NUBPL: variants seen among roughly 807,000 people sequenced by gnomAD.
NUBPL encodes NUBP iron-sulfur cluster assembly factor, mitochondrial, also known as iron-sulfur cluster transfer protein NUBPL.
In NUBPL, 31 loss-of-function variants were observed where a neutral mutation model predicts 45.7. That is an observed-to-expected ratio of 0.68 (90% CI 0.51 to 0.92). The LOEUF (loss-of-function observed/expected upper bound fraction) is 0.92, where lower values mean the gene tolerates loss of function less well. NUBPL is among the 40% of genes least tolerant of loss of function. The pLI is 0.00. For missense variants in NUBPL, 401 were observed against 398.7 expected (o/e 1.01, Z -0.05); for synonymous variants, 144 against 140.9 (o/e 1.02, Z -0.15).
At position 31,750,340 on chromosome 14, in the gene NUBPL, TA is replaced by T. The variant is rs1404482642; in HGVS notation, c.514-37438del. 7.3e-5 allele frequency among the ~76,000 whole-genome samples: 5 copies of T among 68,794 alleles called. No homozygotes were observed. The South Asian group carries it at 2.4e-3, about 33-fold the overall frequency. The allele number at this position is 68,794 out of a possible 152,430, so 45.1% of individuals were successfully genotyped here. On this transcript the variant is annotated intron_variant, in intron 6 of 10. Coordinates refer to ENST00000281081, the MANE Select transcript of NUBPL (RefSeq NM_025152.3). Reference sequence around the variant, plus strand: ...ACAGGCGCCCACCACCACGCCCGGCTAATTTTTTTTTTTTTTTTAATTTTTA... The same window carrying T: ...ACAGGCGCCCACCACCACGCCCGGCTATTTTTTTTTTTTTTTTAATTTTTA...
chr14:31,704,868 C>T (rs1595520361), intron 6 of NUBPL, among the ~76,000 whole-genome samples: 1 of 152,134 alleles, frequency 6.6e-6, no homozygotes, highest in East Asian at 1.9e-4. Flanking sequence ...AAGAATGAAG[C>T]CGCGGACCCT....
intron 7 of NUBPL, among the ~76,000 whole-genome samples, chr14:31,793,640 G>C (rs1171641890): frequency 6.6e-6 from 1 of 152,036 alleles, no homozygotes; most frequent in African/African-American, 2.4e-5. Context: ...TGTTTTATCT[G>C]TGACTGTATT....
intron 7 of NUBPL, among the ~76,000 whole-genome samples, chr14:31,808,864 A>G (rs1181535116): frequency 6.6e-6 from 1 of 152,272 alleles, no homozygotes; most frequent in Non-Finnish European, 1.5e-5. Context: ...TTCTGCATCT[A>G]TTGAGATAAT....
At chr14:31,660,866 G>A (rs933374341) in intron 4 of NUBPL, among the ~76,000 whole-genome samples, 3 of 152,028 alleles carry the variant, frequency 2.0e-5, no homozygotes, top group African/African-American at 7.2e-5. Context: ...GTTGATTCAC[G>A]AACAATGGAA....
chr14:31,731,737 A>G (rs1306757181), intron 6 of NUBPL, among the ~76,000 whole-genome samples: 5 of 152,166 alleles, frequency 3.3e-5, no homozygotes, highest in African/African-American at 4.8e-5. Context: ...AGAACTATCC[A>G]TTTTTATGAC....
intron 6 of NUBPL, among the ~76,000 whole-genome samples, chr14:31,687,424 C>T (rs2139849681): frequency 6.6e-6 from 1 of 152,230 alleles, no homozygotes; most frequent in African/African-American, 2.4e-5. Context: ...TTTATCAAAA[C>T]TTATGCATAC....
chr14:31,594,060 A>C (rs374256054), intron 3 of NUBPL, among the ~76,000 whole-genome samples: 28 of 152,278 alleles, frequency 1.8e-4, no homozygotes, highest in East Asian at 5.8e-4. Context: ...TTTATCACTA[A>C]AAATTAGAAG....
In NUBPL at chr14:31,725,090, A is replaced by C. The variant is rs140521835; in HGVS notation, c.513+51516A>C. On this transcript the variant is annotated intron_variant, in intron 6 of 10. Transcript: ENST00000281081. ...ATAAAAGCAATTGGAAGTTTAGGGTAGTAAAAGGGACATGATTTGGTTGTT... is the reference window on the plus strand; with the variant it reads ...ATAAAAGCAATTGGAAGTTTAGGGTCGTAAAAGGGACATGATTTGGTTGTT... 2.3e-3 allele frequency among the ~76,000 whole-genome samples: 350 copies of C among 152,230 alleles called. 1 individual carries two copies. Among genetic ancestry groups the C allele is most frequent in the African/African-American group, 8.0e-3 (334 of 41,534 alleles).
In NUBPL at chr14:31,562,199, A is replaced by G; in HGVS notation, c.240A>G (p.Gly80=). ...TGGCTTCTGGAAAGGGTGGAGTCGG[A>G]AAATCTACTACAGCAGGTATTATAG... The part of the protein sequence containing the change: ...IVVASGKGGV[G]KSTTAVNLAL... The change falls in exon 2 of 11, where the codon GGA becomes GGG. Residue 80 remains glycine (G), a synonymous_variant. Transcript: ENST00000281081. 6.2e-7 allele frequency: 1 copy of G among 1,613,962 alleles called. No homozygotes were observed. The highest frequency in any genetic ancestry group is 1.3e-5 in the African/African-American group (1 of 75,060).
chr14:31,642,338 C>G (rs1007705458), intron 4 of NUBPL, among the ~76,000 whole-genome samples: 5 of 152,058 alleles, frequency 3.3e-5, no homozygotes, highest in African/African-American at 1.2e-4. Flanking sequence ...AATATTTAAT[C>G]CGTTTTAATT....
chr14:31,562,189 G>A lies in NUBPL; in HGVS notation c.230G>A (p.Gly77Asp). 1 of 1,614,096 alleles carries A rather than the reference G, an allele frequency of 6.2e-7. No individual in the cohort carries two copies. The highest frequency in any genetic ancestry group is 8.5e-7 in the Non-Finnish European group (1 of 1,179,968). Residue 77 changes from glycine (G) to aspartate (D), a missense_variant, in exon 2 of 11, where the codon GGT (glycine) becomes GAT (aspartate). Coordinates refer to ENST00000281081, the MANE Select transcript of NUBPL (RefSeq NM_025152.3). The part of the protein sequence containing the change: ...KQVIVVASGK[G>D]GVGKSTTAVN... ...GTTATAGTTGTGGCTTCTGGAAAGG[G>A]TGGAGTCGGAAAATCTACTACAGCA... is the stretch of plus-strand genomic sequence containing the variant.
At chr14:31,722,557 A>G (rs2037834122) in intron 6 of NUBPL, among the ~76,000 whole-genome samples, 1 of 152,198 alleles carries the variant, frequency 6.6e-6, no homozygotes, top group African/African-American at 2.4e-5. Flanking sequence ...CACTCCCATC[A>G]ACAATGTGTA....
At chr14:31,801,515 T>C (rs1384954049) in intron 7 of NUBPL, among the ~76,000 whole-genome samples, 2 of 152,164 alleles carry the variant, frequency 1.3e-5, no homozygotes, top group Non-Finnish European at 2.9e-5. Flanking sequence ...AGTAGTACAG[T>C]CAAATTAGTG....
chr14:31,846,957 AAAAAAAC>A (rs1166700201), intron 9 of NUBPL, among the ~76,000 whole-genome samples: 6 of 150,150 alleles, frequency 4.0e-5, no homozygotes, highest in East Asian at 3.9e-4. Context: ...CTCCATCAAA[AAAAAAAC>A]AAAAAACAAA....
intron 6 of NUBPL, among the ~76,000 whole-genome samples, chr14:31,716,834 A>G (rs533625904): frequency 3.3e-5 from 5 of 152,244 alleles, no homozygotes; most frequent in African/African-American, 4.8e-5. Context: ...CCAACCACCT[A>G]GCTGCTCAGG....
rs572249635 is a variant in NUBPL at position 31,671,351 on chromosome 14, T to C, written c.383-2004T>C. On this transcript the variant is annotated intron_variant, in intron 4 of 10. Coordinates refer to ENST00000281081, the MANE Select transcript of NUBPL (RefSeq NM_025152.3). ...TGCAGTAAACATAGGAGTGCAGATA[T>C]CTCTTTGACATACTGATATCACATT... is the stretch of plus-strand genomic sequence containing the variant. 2.6e-5 allele frequency among the ~76,000 whole-genome samples: 4 copies of C among 152,318 alleles called. No individual in the cohort carries two copies. In the South Asian group the frequency reaches 8.3e-4, roughly 32 times the overall value.
chr14:31,787,507 A>T (rs2039305173), intron 6 of NUBPL, among the ~76,000 whole-genome samples: 2 of 152,170 alleles, frequency 1.3e-5, no homozygotes. Context: ...TCCTGAATAG[A>T]AGCCTACTGA....
intron 6 of NUBPL, among the ~76,000 whole-genome samples, chr14:31,741,930 A>G (rs1268715774): frequency 1.3e-5 from 2 of 152,006 alleles, no homozygotes; most frequent in Admixed American, 6.6e-5. Flanking sequence ...AGCTCCTTCC[A>G]TGCCAGACGT....
chr14:31,706,242 G>A (rs939302438), intron 6 of NUBPL, among the ~76,000 whole-genome samples: 2 of 152,166 alleles, frequency 1.3e-5, no homozygotes, highest in African/African-American at 4.8e-5. Context: ...GGCAAAGAAG[G>A]GGCCCTGCAG....
Sources: allele counts gnomAD v4.1 joint callset (sites outside exome capture counted in the v4.1 genomes callset), GRCh38; gene constraint gnomAD v4.1.1; transcripts MANE v1.5; gene names NCBI Gene and HGNC (gene_info 2026-07-23, HGNC 2026-07-21).